ANKS1A: variants seen among roughly 807,000 people sequenced by gnomAD.
ANKS1A encodes the protein ankyrin repeat and SAM domain-containing protein 1A.
Under a neutral mutation model 120.3 loss-of-function variants are expected in ANKS1A, and 55 were observed. The ratio of observed to expected loss-of-function variants is 0.46; its 90% confidence interval spans 0.37 to 0.57. The LOEUF (loss-of-function observed/expected upper bound fraction) is 0.57. Ranked by LOEUF, ANKS1A falls within the 20% of genes least tolerant of loss-of-function variation. ANKS1A has a pLI of 0.00. For synonymous variants in ANKS1A, 590 were observed against 604.7 expected (o/e 0.98, Z 0.36); for missense variants, 1,123 against 1,480.3 (o/e 0.76, Z 3.96).
chr6:34,906,989 G>A (rs970641846), intron 1 of ANKS1A, among the ~76,000 whole-genome samples: 1 of 152,230 alleles, frequency 6.6e-6, no homozygotes, highest in African/African-American at 2.4e-5. Flanking sequence ...TCATGCTGAT[G>A]TCACATATCC....
intron 11 of ANKS1A, among the ~76,000 whole-genome samples, chr6:35,031,268 C>T (rs932261934): frequency 2.0e-5 from 3 of 152,164 alleles, no homozygotes; most frequent in Non-Finnish European, 2.9e-5. Flanking sequence ...TTCCCCATGT[C>T]CCATCACATA....
rs149481844 is a variant in ANKS1A, at chr6:34,994,396, T to C, written c.1397T>C (p.Val466Ala). The C allele has an allele frequency of 6.2e-7, 1 of 1,612,994 alleles. No homozygotes were observed. Among genetic ancestry groups the C allele is most frequent in the Non-Finnish European group, 8.5e-7 (1 of 1,179,202 alleles). The change falls in exon 10 of 24, where the codon GTG becomes GCG. Residue 466 changes from valine (V) to alanine (A), a missense_variant. By Grantham distance (64) the Val-to-Ala change is moderately conservative (BLOSUM62 0). Transcript: ENST00000360359. ...ELLLTAETKKVVLVDGKTKDH... is the reference protein window; with the variant it reads ...ELLLTAETKKAVLVDGKTKDH... Reference sequence around the variant, plus strand: ...TTGTTAACAGCAGAGACAAAGAAAGTGGTGTTGGTGGATGGAAAAACAAAA... The same window carrying C: ...TTGTTAACAGCAGAGACAAAGAAAGCGGTGTTGGTGGATGGAAAAACAAAA...
intron 10 of ANKS1A, among the ~76,000 whole-genome samples, chr6:35,003,546 G>C (rs1255196485): frequency 6.6e-6 from 1 of 152,172 alleles, no homozygotes; most frequent in African/African-American, 2.4e-5. Context: ...ATTCGACCCT[G>C]AGGCCATGTT....
chr6:34,940,729 T>G (rs1347262471), intron 1 of ANKS1A, among the ~76,000 whole-genome samples: 1 of 151,872 alleles, frequency 6.6e-6, no homozygotes, highest in Non-Finnish European at 1.5e-5. Context: ...GCCAACATGA[T>G]GAAACCCCGT....
rs34002253 is a variant in ANKS1A, at chr6:34,976,777, CGTGT to C, written c.436-4894_436-4891del. The stretch of plus-strand genomic sequence containing the variant: ...TGCTTTTTCTCTTTCTGTGTGTGTG[CGTGT>C]GTGTGTGTGTGTGTGTGTATGCAAT... On this transcript the variant is annotated intron_variant, in intron 3 of 23. Coordinates refer to ENST00000360359, the MANE Select transcript of ANKS1A (RefSeq NM_015245.3). Among the ~76,000 whole-genome samples the C allele has an allele frequency of 7.3e-4, 109 of 149,048 alleles. 4 individuals are homozygous for C. Among genetic ancestry groups the C allele is most frequent in the Admixed American group, 4.0e-4 (6 of 14,988 alleles).
chr6:35,031,800 C>T (rs1460404176), intron 11 of ANKS1A, among the ~76,000 whole-genome samples: 1 of 152,214 alleles, frequency 6.6e-6, no homozygotes, highest in Admixed American at 6.5e-5. Context: ...GCATGATTCA[C>T]CAGAGAATGA....
intron 11 of ANKS1A, among the ~76,000 whole-genome samples, chr6:35,053,124 C>T (rs1307967812): frequency 6.6e-6 from 1 of 152,220 alleles, no homozygotes; most frequent in Non-Finnish European, 1.5e-5. Context: ...GACCCAGGCT[C>T]CTTACTTGCA....
Position 34,991,816 on chromosome 6 carries a change from A to G in ANKS1A, c.1303-2486A>G, listed in dbSNP as rs550083998. Among the ~76,000 whole-genome samples, 3 of 142,466 alleles carry G rather than the reference A, an allele frequency of 2.1e-5. No individual in the cohort carries two copies. The East Asian group carries it at 6.0e-4, about 28-fold the overall frequency. The allele number at this position is 142,466 out of a possible 152,430, so 93.5% of individuals were successfully genotyped here. Reference sequence around the variant, plus strand: ...TATACATATATATACACACACATATATATATGGCTTTGATTTATTGCCAGC... The same window carrying G: ...TATACATATATATACACACACATATGTATATGGCTTTGATTTATTGCCAGC... On this transcript the variant is annotated intron_variant, in intron 9 of 23. Transcript: ENST00000360359.
chr6:34,974,971 G>A (rs1031199977), intron 3 of ANKS1A, among the ~76,000 whole-genome samples: 1 of 152,170 alleles, frequency 6.6e-6, no homozygotes. Flanking sequence ...CCCAACAGTG[G>A]TTAATTTAGT....
rs974830644 is a variant in ANKS1A at position 35,082,192 on chromosome 6, C to A, written c.2710-499C>A. On this transcript the variant is annotated intron_variant, in intron 17 of 23. Coordinates refer to ENST00000360359, the MANE Select transcript of ANKS1A (RefSeq NM_015245.3). This position sits in a 1 kb window ranked among gnomAD's most constrained non-coding sequence, Gnocchi z 4.1. ...CCTGGACCGCAGTGGCCTCCCCCAC[C>A]CCCTAGCTGCTGCCAGAAGGATCCA... Among the ~76,000 whole-genome samples, 1 of 152,102 alleles carries A rather than the reference C, an allele frequency of 6.6e-6. No homozygotes were observed. Among genetic ancestry groups the A allele is most frequent in the Non-Finnish European group, 1.5e-5 (1 of 68,008 alleles).
At chr6:35,080,907 C>T in intron 16 of ANKS1A, 87 bp from the exon 17 acceptor site, 3 of 1,492,732 alleles carry the variant, frequency 2.0e-6, no homozygotes, top group Non-Finnish European at 2.7e-6. Flanking sequence ...GCTGCCTGTG[C>T]CGTCCTAACC....
chr6:35,088,428 A>G (rs1778112991), intron 23 of ANKS1A, among the ~76,000 whole-genome samples, 178 bp from the exon 24 acceptor site: 1 of 152,176 alleles, frequency 6.6e-6, no homozygotes, highest in Admixed American at 6.5e-5. Context: ...GAGCAGAGTC[A>G]CTGAGCCAGA....
chr6:35,093,624 ACTAACGC>A (rs1281224939), downstream of ANKS1A, among the ~76,000 whole-genome samples: 6 of 152,206 alleles, frequency 3.9e-5, no homozygotes, highest in Non-Finnish European at 2.9e-5. Flanking sequence ...TCAAAAGTAA[ACTAACGC>A]CTATGTCTCG....
chr6:35,049,975 A>C (rs1775893532), intron 11 of ANKS1A, among the ~76,000 whole-genome samples: 1 of 152,112 alleles, frequency 6.6e-6, no homozygotes, highest in Admixed American at 6.5e-5. Flanking sequence ...CCCAGTATTT[A>C]TTAAAAAGCT....
chr6:34,930,090 G>A (rs1768911139), intron 1 of ANKS1A, among the ~76,000 whole-genome samples: 1 of 152,032 alleles, frequency 6.6e-6, no homozygotes, highest in Admixed American at 6.6e-5. Flanking sequence ...TAAATAAAAG[G>A]TTTTGGTCTT....
chr6:34,994,558 T>G, intron 10 of ANKS1A, 136 bp downstream of exon 10: 1 of 1,332,210 alleles, frequency 7.5e-7, no homozygotes, highest in East Asian at 2.8e-5. Context: ...TGATCTGGGA[T>G]GGTGGGTCCA....
chr6:35,035,082 G>C (rs1775097185), intron 11 of ANKS1A, among the ~76,000 whole-genome samples: 1 of 152,330 alleles, frequency 6.6e-6, no homozygotes, highest in African/African-American at 2.4e-5. Context: ...CCTCCCTGGA[G>C]CCCTCTTCTC....
chr6:34,966,333 T>C (rs998128380), intron 1 of ANKS1A, among the ~76,000 whole-genome samples: 2 of 152,192 alleles, frequency 1.3e-5, no homozygotes, highest in African/African-American at 4.8e-5. Context: ...AAAACTATTA[T>C]CTCCATAGAT....
chr6:35,086,560 G>T lies in ANKS1A; in HGVS notation c.3304-392G>T, dbSNP rs1777996513. On this transcript the variant is annotated intron_variant, in intron 22 of 23. Coordinates refer to ENST00000360359, the MANE Select transcript of ANKS1A (RefSeq NM_015245.3). The surrounding 1 kb of genome is among the most constrained non-coding windows in gnomAD (Gnocchi z 5.1). ...TGTGTCCTCTCTCCAGAGGTCTGGGGTGACTGCTGTGGTCTTGCCTTGGGG... is the reference window on the plus strand; with the variant it reads ...TGTGTCCTCTCTCCAGAGGTCTGGGTTGACTGCTGTGGTCTTGCCTTGGGG... Among the ~76,000 whole-genome samples the T allele has an allele frequency of 6.6e-6, 1 of 151,996 alleles. No homozygotes were observed. The highest frequency in any genetic ancestry group is 1.5e-5 in the Non-Finnish European group (1 of 67,982).
Sources: allele counts gnomAD v4.1 joint callset (sites outside exome capture counted in the v4.1 genomes callset), GRCh38; gene constraint gnomAD v4.1.1; non-coding constraint Gnocchi (gnomAD v3.1); transcripts MANE v1.5; gene names NCBI Gene and HGNC (gene_info 2026-07-23, HGNC 2026-07-21).